Variants in CTTNBP2NL observed in about 807,000 individuals in gnomAD.
CTTNBP2NL encodes CTTNBP2 N-terminal-like protein.
CTTNBP2NL carries 16 observed loss-of-function variants against 32.5 expected under a neutral mutation model. The ratio of observed to expected loss-of-function variants is 0.49; its 90% CI spans 0.33 to 0.75. The LOEUF is 0.75. Among genes scored for constraint, CTTNBP2NL ranks in the 30% least tolerant of loss-of-function variants. The pLI is 0.02. For missense variants in CTTNBP2NL, 645 were observed against 756.0 expected (o/e 0.85, Z 1.72); for synonymous variants, 298 against 289.4 (o/e 1.03, Z -0.30).
intron 3 of CTTNBP2NL, among the ~76,000 whole-genome samples, chr1:112,426,762 A>T (rs760772648): frequency 2.1e-4 from 32 of 151,820 alleles, no homozygotes; most frequent in Non-Finnish European, 4.1e-4. Context: ...GCCCACCACC[A>T]CACCCAGCTA....
rs1036501084 is a variant in CTTNBP2NL at position 112,458,572 on chromosome 1, T to G, written c.*1160T>G. On this transcript the variant is annotated 3_prime_UTR_variant, in exon 6 of 6. Transcript: ENST00000271277. ...GACAAGTAGAACTGCACATTAAGAT[T>G]ACCTACCGAAGCAACTAGATGTGGC... The G allele has an allele frequency of 6.6e-5, 10 of 152,134 alleles. No individual in the cohort carries two copies. The highest frequency in any genetic ancestry group is 2.4e-4 in the African/African-American group (10 of 41,412). The allele number at this position is 152,134 out of a possible 1,614,324, so 9.4% of individuals were successfully genotyped here.
In CTTNBP2NL at chr1:112,409,053, C is replaced by T. The variant is rs189194443; in HGVS notation, c.-133-3141C>T. ...TGAGGCAGGAGAATTGCTTAAACTGCGGAGGCAGAGGTTGCAGTGAGCCAA... is the reference window on the plus strand; with the variant it reads ...TGAGGCAGGAGAATTGCTTAAACTGTGGAGGCAGAGGTTGCAGTGAGCCAA... On this transcript the variant is annotated intron_variant, in intron 1 of 5. Transcript: ENST00000271277. Among the ~76,000 whole-genome samples the T allele has an allele frequency of 3.9e-3, 556 of 144,134 alleles. 7 individuals carry two copies. Among genetic ancestry groups the T allele is most frequent in the African/African-American group, 0.013 (519 of 39,044 alleles). The allele number at this position is 144,134 out of a possible 152,430, so 94.6% of individuals were successfully genotyped here. A position where few individuals can be genotyped will look rare whatever the true frequency, so the allele number is the denominator to read the frequency against.
intron 4 of CTTNBP2NL, among the ~76,000 whole-genome samples, chr1:112,452,145 T>G (rs1305220005): frequency 1.3e-5 from 2 of 151,912 alleles, no homozygotes; most frequent in African/African-American, 4.8e-5. Flanking sequence ...AAAAAGGAAA[T>G]GTGCCAAATT....
chr1:112,419,173 G>A (rs1183364497), intron 3 of CTTNBP2NL, among the ~76,000 whole-genome samples: 1 of 152,150 alleles, frequency 6.6e-6, no homozygotes, highest in Non-Finnish European at 1.5e-5. Flanking sequence ...TTGGCCAAAT[G>A]CTGTTGCAAA....
intron 3 of CTTNBP2NL, among the ~76,000 whole-genome samples, chr1:112,424,831 T>A (rs977315922): frequency 2.0e-5 from 3 of 152,100 alleles, no homozygotes; most frequent in Non-Finnish European, 4.4e-5. Context: ...TTGGTTTGTT[T>A]TTTTGAGACA....
In CTTNBP2NL at chr1:112,448,999, C is replaced by G. The variant is rs1267454651; in HGVS notation, c.157C>G (p.Pro53Ala). ...CTATGGAAAATATAACATCAGTGAT[C>G]CTTTAATGGCTCTACAGAGAGATTT... ...ERYGKYNISD[P>A]LMALQRDFET... is the part of the protein sequence containing the mutation. Residue 53 changes from proline to alanine, a missense_variant, in exon 4 of 6, where the codon CCT (proline) becomes GCT (alanine). By Grantham distance (27) the Pro-to-Ala change is conservative. Coordinates refer to ENST00000271277, the MANE Select transcript of CTTNBP2NL (RefSeq NM_018704.3). The G allele has an allele frequency of 1.2e-6, 2 of 1,613,342 alleles. No homozygotes were observed. The highest frequency in any genetic ancestry group is 2.7e-5 in the African/African-American group (2 of 75,008).
chr1:112,392,693 CAT>C (rs1648213732), upstream of CTTNBP2NL, among the ~76,000 whole-genome samples: 1 of 151,958 alleles, frequency 6.6e-6, no homozygotes, highest in African/African-American at 2.4e-5. Flanking sequence ...GACGCTGAGA[CAT>C]AGAGAGAAGG....
intron 1 of CTTNBP2NL, among the ~76,000 whole-genome samples, chr1:112,404,773 C>T (rs569742273): frequency 5.5e-4 from 83 of 152,290 alleles, no homozygotes; most frequent in African/African-American, 1.9e-3. Context: ...ATGATTCAGC[C>T]GGGTGCAGTG....
At chr1:112,445,898 A>C (rs1239348337) in intron 3 of CTTNBP2NL, among the ~76,000 whole-genome samples, 2 of 152,142 alleles carry the variant, frequency 1.3e-5, no homozygotes, top group Non-Finnish European at 2.9e-5. Flanking sequence ...ATCTGATGTC[A>C]AGGTCATGAA....
chr1:112,426,605 C>CTTTTTTTTT (rs35801433), intron 3 of CTTNBP2NL, among the ~76,000 whole-genome samples: 1 of 129,600 alleles, frequency 7.7e-6, no homozygotes, highest in African/African-American at 2.8e-5. Flanking sequence ...TACGGCAAAA[C>CTTTTTTTTT]TTTTTTTTTT....
At chr1:112,440,698 G>C (rs1328857184) in intron 3 of CTTNBP2NL, among the ~76,000 whole-genome samples, 1 of 152,126 alleles carries the variant, frequency 6.6e-6, no homozygotes, top group Non-Finnish European at 1.5e-5. Flanking sequence ...AGCTAACATA[G>C]TCAGCACTTA....
intron 1 of CTTNBP2NL, chr1:112,396,482 T>C (rs1162429971): frequency 6.6e-6 from 1 of 152,182 alleles, no homozygotes; most frequent in Non-Finnish European, 1.5e-5. Context: ...CTACTTTTTG[T>C]CCCTCGTCGA....
Position 112,448,927 on chromosome 1 carries a change from T to C in CTTNBP2NL, c.100-15T>C. On this transcript the variant is annotated splice_polypyrimidine_tract_variant and intron_variant, in intron 3 of 5. Transcript: ENST00000271277. ...TTTAAAAAGCAAGATGCTTATTTTT[T>C]TTCCTCTTTCCCAGGCCCAACACAG... The C allele has an allele frequency of 6.8e-7, 1 of 1,480,552 alleles. No homozygotes were observed. Among genetic ancestry groups the C allele is most frequent in the Non-Finnish European group, 9.4e-7 (1 of 1,061,496 alleles). 91.7% of individuals were successfully genotyped at this position (1,480,552 alleles called of 1,614,324 possible). A position where few individuals can be genotyped will look rare whatever the true frequency, so the allele number is the denominator to read the frequency against.
At chr1:112,428,158 T>G (rs958086814) in intron 3 of CTTNBP2NL, among the ~76,000 whole-genome samples, 1 of 152,100 alleles carries the variant, frequency 6.6e-6, no homozygotes, top group Non-Finnish European at 1.5e-5. Context: ...ATTTGTAGTT[T>G]GAGTGTTAAT....
chr1:112,403,082 C>G (rs367657635), intron 1 of CTTNBP2NL, among the ~76,000 whole-genome samples: 1 of 152,182 alleles, frequency 6.6e-6, no homozygotes, highest in African/African-American at 2.4e-5. Flanking sequence ...TAAGTAAATT[C>G]TTAAATAACT....
At chr1:112,435,455 C>T (rs1447136817) in intron 3 of CTTNBP2NL, among the ~76,000 whole-genome samples, 2 of 152,126 alleles carry the variant, frequency 1.3e-5, no homozygotes, top group Admixed American at 6.5e-5. Flanking sequence ...TGATTTCAGG[C>T]CCTGTAAGTC....
At chr1:112,401,753 A>G (rs894580057) in intron 1 of CTTNBP2NL, among the ~76,000 whole-genome samples, 1 of 152,140 alleles carries the variant, frequency 6.6e-6, no homozygotes, top group Non-Finnish European at 1.5e-5. Context: ...GAGGCATTGA[A>G]CTAGATAATG....
At chr1:112,427,409 T>TA (rs1301899867) in intron 3 of CTTNBP2NL, among the ~76,000 whole-genome samples, 1 of 152,122 alleles carries the variant, frequency 6.6e-6, no homozygotes, top group African/African-American at 2.4e-5. Context: ...TACTTTTGGG[T>TA]AAAAAAATTC....
chr1:112,396,074 C>G (rs1415707282), upstream of CTTNBP2NL: 1 of 152,276 alleles, frequency 6.6e-6, no homozygotes, highest in Non-Finnish European at 1.5e-5. Flanking sequence ...GATCTTGGGG[C>G]CCCGGGAGGA....
Sources: gnomAD v4.1 joint callset for allele counts (sites outside exome capture counted in the v4.1 genomes callset) on GRCh38, gnomAD v4.1.1 for gene constraint, MANE v1.5 for transcripts, NCBI Gene and HGNC (gene_info 2026-07-23, HGNC 2026-07-21) for gene names.